GANC: variants seen among roughly 807,000 people sequenced by gnomAD.
GANC encodes the protein glucosidase alpha, neutral C.
In GANC, 117 loss-of-function variants were observed where a neutral mutation model predicts 124.2. That is an observed-to-expected ratio of 0.94 (90% CI 0.81 to 1.10). The LOEUF (loss-of-function observed/expected upper bound fraction) is 1.10. GANC is among the 50% of genes least tolerant of loss of function. The pLI is 0.00. For synonymous variants in GANC, 377 were observed against 376.8 expected (o/e 1.00, Z -0.01); for missense variants, 1,140 against 1,095.0 (o/e 1.04, Z -0.58).
chr15:42,321,449 C>G (rs1678997), intron 10 of GANC, among the ~76,000 whole-genome samples: 138,258 of 152,008 alleles, frequency 0.91, 64,237 homozygotes, highest in Non-Finnish European at 1. Flanking sequence ...TTCCCACTAA[C>G]TCTACAAGGT....
At chr15:42,284,828 G>A (rs1342720108) in intron 3 of GANC, among the ~76,000 whole-genome samples, 8 of 152,186 alleles carry the variant, frequency 5.3e-5, no homozygotes, top group African/African-American at 1.9e-4. Context: ...TTCTAAGGGA[G>A]CAAAACACAT....
rs768308557 is a variant in GANC, at chr15:42,310,296, T to C, written c.736T>C (p.Tyr246His). 6.2e-7 allele frequency: 1 copy of C among 1,600,210 alleles called. No homozygotes were observed. The highest frequency in any genetic ancestry group is 8.5e-7 in the Non-Finnish European group (1 of 1,172,288). Residue 246 changes from tyrosine to histidine, a missense_variant, in exon 9 of 24, where the codon TAC (tyrosine) becomes CAC (histidine). Transcript: ENST00000318010. ...TTTGTGTTTCAGTGATGGAGATGCT[T>C]ACCGTCTTTATAACCTGGATGTCTA... is the stretch of plus-strand genomic sequence containing the variant. ...QLKNTGDGDA[Y>H]RLYNLDVYGY...
intron 15 of GANC, among the ~76,000 whole-genome samples, chr15:42,336,324 G>T (rs1287527261): frequency 6.6e-6 from 1 of 151,906 alleles, no homozygotes; most frequent in Non-Finnish European, 1.5e-5. Context: ...CCAGAAATAA[G>T]GTTGCACACC....
intron 6 of GANC, among the ~76,000 whole-genome samples, chr15:42,298,508 C>T (rs1405826534): frequency 1.3e-5 from 2 of 152,168 alleles, no homozygotes; most frequent in African/African-American, 4.8e-5. Flanking sequence ...TGAGTTTCTC[C>T]TAAGAGCAAA....
intron 6 of GANC, among the ~76,000 whole-genome samples, chr15:42,300,464 G>A (rs1194142297): frequency 1.3e-5 from 2 of 152,096 alleles, no homozygotes; most frequent in Admixed American, 1.3e-4. Flanking sequence ...AGATGCTGGC[G>A]AGGCTTTGGA....
intron 6 of GANC, among the ~76,000 whole-genome samples, chr15:42,305,758 C>A (rs2141040233): frequency 6.6e-6 from 1 of 152,266 alleles, no homozygotes; most frequent in South Asian, 2.1e-4. Flanking sequence ...AAATACTATG[C>A]AGCCATAAAA....
intron 19 of GANC, chr15:42,345,059 G>A (rs1205560244): frequency 1.3e-5 from 2 of 152,078 alleles, no homozygotes; most frequent in South Asian, 2.1e-4. Flanking sequence ...AAAGTGTACT[G>A]AGCTAGAAGA....
chr15:42,348,989 T>C (rs1376986195), intron 21 of GANC, among the ~76,000 whole-genome samples: 1 of 152,236 alleles, frequency 6.6e-6, no homozygotes, highest in Non-Finnish European at 1.5e-5. Context: ...GATACCATTC[T>C]CTGAGTGGAG....
intron 3 of GANC, among the ~76,000 whole-genome samples, chr15:42,280,052 T>G (rs1433597862): frequency 6.6e-6 from 1 of 152,202 alleles, no homozygotes; most frequent in Non-Finnish European, 1.5e-5. Context: ...TTGCCCAAAT[T>G]CAAAATAATG....
intron 15 of GANC, among the ~76,000 whole-genome samples, chr15:42,332,915 G>A (rs1197983390): frequency 4.0e-5 from 6 of 151,130 alleles, no homozygotes; most frequent in African/African-American, 1.5e-4. Flanking sequence ...CTACTAGGGA[G>A]GCTGAGGCAG....
rs573496430 is a variant in GANC at position 42,334,742 on chromosome 15, A to G, written c.1742-3647A>G. Among the ~76,000 whole-genome samples, 4 of 106,500 alleles carry G rather than the reference A, an allele frequency of 3.8e-5. No homozygotes were observed. The East Asian group carries it at 1.1e-3, about 29-fold the overall frequency. The allele number at this position is 106,500 out of a possible 152,430, so 69.9% of individuals were successfully genotyped here. ...ATAATAAGAAAGACAACCTACTTTAAGAGTTGGTTTTCTGAAAAAAAAATA... is the reference window on the plus strand; with the variant it reads ...ATAATAAGAAAGACAACCTACTTTAGGAGTTGGTTTTCTGAAAAAAAAATA... On this transcript the variant is annotated intron_variant, in intron 15 of 23. Transcript: ENST00000318010.
rs547963688 is a variant in GANC, at chr15:42,285,298, G to A, written c.202-2393G>A. ...GAGGTGACTTAGGACTCAGTACAGG[G>A]AAGGCAGGGGACTCTAAGGTGGGAC... On this transcript the variant is annotated intron_variant, in intron 3 of 23. Transcript: ENST00000318010. Among the ~76,000 whole-genome samples, 10 of 152,294 alleles carry A rather than the reference G, an allele frequency of 6.6e-5. No individual in the cohort carries two copies. In the South Asian group the frequency reaches 2.1e-3, roughly 32 times the overall value.
intron 10 of GANC, among the ~76,000 whole-genome samples, chr15:42,315,761 A>G (rs1419795030): frequency 1.3e-5 from 2 of 152,176 alleles, no homozygotes; most frequent in African/African-American, 4.8e-5. Flanking sequence ...ATTACTCTCC[A>G]TAATGAGAGT....
chr15:42,310,219 G>C (rs1231443279), intron 8 of GANC, 64 bp from the exon 9 acceptor site: 2 of 1,243,914 alleles, frequency 1.6e-6, no homozygotes, highest in Non-Finnish European at 2.2e-6. Context: ...GAGTAGAGCT[G>C]TTCTATTTAT....
In GANC at chr15:42,283,549, A is replaced by G. The variant is rs1384851244; in HGVS notation, c.202-4142A>G. ...CTGGAGCAATCTACTTTATATTGCT[A>G]ATTATGATGCTTTCTCATGATATAG... On this transcript the variant is annotated intron_variant, in intron 3 of 23. Coordinates refer to ENST00000318010, the MANE Select transcript of GANC (RefSeq NM_198141.3). 4.5e-6 allele frequency: 3 copies of G among 666,138 alleles called. No homozygotes were observed. The East Asian group carries it at 8.1e-5, about 18-fold the overall frequency. The allele number at this position is 666,138 out of a possible 1,614,324, so 41.3% of individuals were successfully genotyped here.
At chr15:42,302,331 A>G (rs1453230372) in intron 6 of GANC, among the ~76,000 whole-genome samples, 2 of 152,200 alleles carry the variant, frequency 1.3e-5, no homozygotes, top group South Asian at 2.1e-4. Context: ...ACGTCCACAC[A>G]AAAACCCTAT....
rs375729135 is a variant in GANC, at chr15:42,288,438, C to T, written c.329+620C>T. Among the ~76,000 whole-genome samples the T allele has an allele frequency of 1.5e-3, 223 of 152,112 alleles. 2 individuals carry two copies. Among genetic ancestry groups the T allele is most frequent in the Non-Finnish European group, 6.2e-4 (42 of 67,982 alleles). ...CAGTGATATTTCAACTCAGTTTTGCCGGTTGGTTTCCATTATATTGTCATA... is the reference window on the plus strand; with the variant it reads ...CAGTGATATTTCAACTCAGTTTTGCTGGTTGGTTTCCATTATATTGTCATA... On this transcript the variant is annotated intron_variant, in intron 4 of 23. Coordinates refer to ENST00000318010, the MANE Select transcript of GANC (RefSeq NM_198141.3).
chr15:42,334,167 T>C (rs1184352172), intron 15 of GANC, among the ~76,000 whole-genome samples: 1 of 946 alleles, frequency 1.1e-3, no homozygotes, highest in African/African-American at 1.4e-3. Flanking sequence ...AATAAAATCT[T>C]TTTTTTTTTT....
rs764152973 is a variant in GANC at position 42,310,448 on chromosome 15, A to G, written c.888A>G (p.Thr296=). 5 of 1,607,088 alleles carry G rather than the reference A, an allele frequency of 3.1e-6. No individual in the cohort carries two copies. The highest frequency in any genetic ancestry group is 2.2e-5 in the East Asian group (1 of 44,722). ...CGGAAACACTGGTGGAGATCAATAC[A>G]GAGCCTGCAGTAGAGGTGAGCTATT... ...NASETLVEIN[T]EPAVEYTLTQ... The change falls in exon 9 of 24, where the codon ACA becomes ACG. Residue 296 remains threonine (T), a synonymous_variant. Coordinates refer to ENST00000318010, the MANE Select transcript of GANC (RefSeq NM_198141.3).
Sources: gnomAD v4.1 joint callset for allele counts (sites outside exome capture counted in the v4.1 genomes callset) on GRCh38, gnomAD v4.1.1 for gene constraint, MANE v1.5 for transcripts, NCBI Gene and HGNC (gene_info 2026-07-23, HGNC 2026-07-21) for gene names.